The following TMEM132D variants were observed in gnomAD, a reference collection of about 807,000 sequenced individuals.
TMEM132D encodes mature OL transmembrane protein.
Under a neutral mutation model 62.3 loss-of-function variants are expected in TMEM132D, and 21 were observed. That is an observed-to-expected ratio of 0.34 (90% confidence interval 0.24 to 0.49). The LOEUF (loss-of-function observed/expected upper bound fraction) is 0.49. Ranked by LOEUF, TMEM132D falls within the 20% of genes least tolerant of loss-of-function variation. The pLI is 0.99. For missense variants in TMEM132D, 1,346 were observed against 1,402.8 expected, an observed-to-expected ratio of 0.96 and a Z score of 0.65; for synonymous variants, 621 against 575.6, an observed-to-expected ratio of 1.08 and a Z score of -1.13.
intron 2 of TMEM132D, among the ~76,000 whole-genome samples, chr12:129,570,058 G>C (rs1286964594): frequency 2.6e-5 from 4 of 152,186 alleles, no homozygotes; most frequent in African/African-American, 9.6e-5. Context: ...GTAGTTTTCT[G>C]TTGGCTGATT....
intron 4 of TMEM132D, among the ~76,000 whole-genome samples, chr12:129,256,129 G>C (rs933847421): frequency 6.6e-6 from 1 of 152,198 alleles, no homozygotes; most frequent in Non-Finnish European, 1.5e-5. Flanking sequence ...CCCCAGACTG[G>C]AGTGCAGTGG....
intron 3 of TMEM132D, among the ~76,000 whole-genome samples, chr12:129,505,976 C>T (rs557355514): frequency 6.6e-6 from 1 of 152,286 alleles, no homozygotes; most frequent in East Asian, 1.9e-4. Context: ...CTTATCCACT[C>T]TGTGAGTCTG....
At chr12:129,414,746 C>T (rs1210331695) in intron 3 of TMEM132D, among the ~76,000 whole-genome samples, 2 of 152,162 alleles carry the variant, frequency 1.3e-5, no homozygotes, top group African/African-American at 4.8e-5. Flanking sequence ...ATTACATCTC[C>T]AGAACTTACT....
chr12:129,895,560 C>A (rs2137397513), intron 1 of TMEM132D, among the ~76,000 whole-genome samples: 1 of 152,362 alleles, frequency 6.6e-6, no homozygotes, highest in East Asian at 1.9e-4. Flanking sequence ...CATGCCTGCA[C>A]AGCCCTGGCT....
At chr12:129,725,562 C>T (rs1024249783) in intron 1 of TMEM132D, among the ~76,000 whole-genome samples, 1 of 152,258 alleles carries the variant, frequency 6.6e-6, no homozygotes, top group Non-Finnish European at 1.5e-5. Context: ...AAACTCAACC[C>T]TCACCTTCAT....
At chr12:129,263,478 G>A (rs1288740612) in intron 4 of TMEM132D, among the ~76,000 whole-genome samples, 2 of 152,158 alleles carry the variant, frequency 1.3e-5, no homozygotes, top group Non-Finnish European at 2.9e-5. Flanking sequence ...GTGGAGCTGA[G>A]ATTTAAACCC....
At chr12:129,384,038 A>C (rs999589921) in intron 3 of TMEM132D, among the ~76,000 whole-genome samples, 7 of 152,204 alleles carry the variant, frequency 4.6e-5, no homozygotes, top group Non-Finnish European at 8.8e-5. Flanking sequence ...CTCAGGACTG[A>C]ATTGCCGAAA....
intron 1 of TMEM132D, among the ~76,000 whole-genome samples, chr12:129,781,256 G>C (rs972149569): frequency 6.6e-6 from 1 of 151,958 alleles, no homozygotes; most frequent in African/African-American, 2.4e-5. Flanking sequence ...TTAATCTATG[G>C]TTGCGTCACA....
chr12:129,395,126 C>T (rs1871386325), intron 3 of TMEM132D, among the ~76,000 whole-genome samples: 1 of 152,100 alleles, frequency 6.6e-6, no homozygotes, highest in Non-Finnish European at 1.5e-5. Context: ...TAATGGGAGA[C>T]ACAAAAGAGA....
chr12:129,207,908 A>G (rs867015054), intron 5 of TMEM132D, among the ~76,000 whole-genome samples: 24 of 152,222 alleles, frequency 1.6e-4, no homozygotes, highest in African/African-American at 5.8e-4. Context: ...TCTTTATGCT[A>G]GGAATGTTAG....
chr12:129,686,260 C>T (rs1170718638), intron 2 of TMEM132D, among the ~76,000 whole-genome samples: 5 of 152,072 alleles, frequency 3.3e-5, no homozygotes, highest in African/African-American at 7.2e-5. Context: ...ATGATCCCCA[C>T]GTGTTGTGAG....
chr12:129,405,928 T>G (rs1871770868), intron 3 of TMEM132D, among the ~76,000 whole-genome samples: 1 of 152,194 alleles, frequency 6.6e-6, no homozygotes, highest in African/African-American at 2.4e-5. Context: ...TCTCATCAGA[T>G]TCTCACTCAT....
intron 5 of TMEM132D, among the ~76,000 whole-genome samples, chr12:129,097,470 A>G (rs1387212527): frequency 6.6e-6 from 1 of 152,262 alleles, no homozygotes; most frequent in Non-Finnish European, 1.5e-5. Flanking sequence ...GCCTATATCC[A>G]TAGAAGAAAC....
chr12:129,315,719 C>A (rs1462660494), intron 4 of TMEM132D, among the ~76,000 whole-genome samples: 1 of 152,024 alleles, frequency 6.6e-6, no homozygotes, highest in Admixed American at 6.5e-5. Context: ...AAAAGGATTG[C>A]TACCAATTCG....
chr12:129,618,092 C>G (rs932545410), intron 2 of TMEM132D, among the ~76,000 whole-genome samples: 1 of 152,174 alleles, frequency 6.6e-6, no homozygotes, highest in Non-Finnish European at 1.5e-5. Flanking sequence ...ACCTAGGGAG[C>G]CTGCTAAACA....
At chr12:129,786,805 C>T (rs1259662004) in intron 1 of TMEM132D, among the ~76,000 whole-genome samples, 1 of 152,168 alleles carries the variant, frequency 6.6e-6, no homozygotes, top group Non-Finnish European at 1.5e-5. Flanking sequence ...GCAGGAGAAT[C>T]GCTTGAACCC....
chr12:129,421,043 C>T (rs1872307771), intron 3 of TMEM132D, among the ~76,000 whole-genome samples: 1 of 150,344 alleles, frequency 6.7e-6, no homozygotes, highest in Admixed American at 6.7e-5. Context: ...CTCATTGCAA[C>T]CTCTGCCTCC....
At position 129,467,367 on chromosome 12, in the gene TMEM132D, A is replaced by G. The variant is rs538992662; in HGVS notation, c.1115+63692T>C. Among the ~76,000 whole-genome samples, 10 of 152,270 alleles carry G rather than the reference A, an allele frequency of 6.6e-5. No homozygotes were observed. The East Asian group carries it at 1.9e-3, about 30-fold the overall frequency. ...GGTGAAAGGAAGCTGGGGGCTTAAG[A>G]GAAACCAGTTCCAGGTCCCCACTGG... On this transcript the variant is annotated intron_variant, in intron 3 of 8. Transcript: ENST00000422113.
intron 5 of TMEM132D, among the ~76,000 whole-genome samples, chr12:129,146,545 A>G (rs1419251781): frequency 1.3e-5 from 2 of 152,160 alleles, no homozygotes; most frequent in East Asian, 3.9e-4. Flanking sequence ...GTAACAAATA[A>G]TAGAAACTCC....
Sources: gnomAD v4.1 joint callset for allele counts (sites outside exome capture counted in the v4.1 genomes callset) on GRCh38, gnomAD v4.1.1 for gene constraint, MANE v1.5 for transcripts, NCBI Gene and HGNC (gene_info 2026-07-23, HGNC 2026-07-21) for gene names.